The following ARID4B variants were observed in gnomAD, a reference collection of about 807,000 sequenced individuals.
ARID4B encodes the protein AT-rich interactive domain-containing protein 4B.
A neutral mutation model predicts 147.5 loss-of-function variants in ARID4B; 26 were observed. The ratio of observed to expected loss-of-function variants is 0.18; its 90% CI spans 0.13 to 0.24. ARID4B has a LOEUF of 0.24. Ranked by LOEUF, ARID4B falls within the 10% of genes least tolerant of loss-of-function variation. ARID4B has a pLI of 1.00. For missense variants in ARID4B, 1,179 were observed against 1,511.5 expected (o/e 0.78, Z 3.65); for synonymous variants, 512 against 507.9 (o/e 1.01, Z -0.11).
chr1:235,193,199 C>T (rs955148283), intron 19 of ARID4B, among the ~76,000 whole-genome samples: 4 of 152,100 alleles, frequency 2.6e-5, no homozygotes, highest in South Asian at 2.1e-4. Context: ...GAGCTCGAGA[C>T]GAGCCTGGTC....
At chr1:235,261,224 G>A (rs1670274605) in intron 2 of ARID4B, among the ~76,000 whole-genome samples, 1 of 152,090 alleles carries the variant, frequency 6.6e-6, no homozygotes, top group African/African-American at 2.4e-5. Flanking sequence ...AAAGTCTAAG[G>A]TAGTTTAGTG....
At chr1:235,318,742 A>G (rs1674616560) in intron 2 of ARID4B, among the ~76,000 whole-genome samples, 1 of 152,078 alleles carries the variant, frequency 6.6e-6, no homozygotes, top group Non-Finnish European at 1.5e-5. Flanking sequence ...TTTGCTGGGC[A>G]TGGTGGCGCA....
chr1:235,185,756 G>A (rs1391821898), intron 19 of ARID4B, among the ~76,000 whole-genome samples: 2 of 152,138 alleles, frequency 1.3e-5, no homozygotes, highest in Non-Finnish European at 2.9e-5. Flanking sequence ...TCAGAGTTCT[G>A]AATCCTTCCG....
chr1:235,224,765 T>C lies in ARID4B; in HGVS notation c.908A>G (p.Glu303Gly). The C allele has an allele frequency of 6.3e-7, 1 of 1,589,756 alleles. No individual in the cohort carries two copies. Among genetic ancestry groups the C allele is most frequent in the Non-Finnish European group, 8.6e-7 (1 of 1,161,480 alleles). ...DNSSEEEEEIEPFPEERENFL... is the reference protein window; with the variant it reads ...DNSSEEEEEIGPFPEERENFL... ...GTTCTCCCTTTCTTCTGGAAATGGTTCTATTTCTTCCTAATTTTAATCACA... is the reference window on the plus strand; with the variant it reads ...GTTCTCCCTTTCTTCTGGAAATGGTCCTATTTCTTCCTAATTTTAATCACA... Residue 303 changes from glutamate (E) to glycine (G), a missense_variant, in exon 12 of 24, where the codon GAA becomes GGA. Physicochemically the swap from Glu to Gly is moderately conservative, Grantham distance 98. This residue lies in a region of ARID4B where 159 missense variants were observed against 190.5 expected (regional missense o/e 0.83). Coordinates refer to ENST00000264183, the MANE Select transcript of ARID4B (RefSeq NM_016374.6).
rs778899405 is a variant in ARID4B, at chr1:235,229,211, T to C, written c.897+20A>G. On this transcript the variant is annotated intron_variant, in intron 11 of 23. Transcript: ENST00000264183. ...AACTGTTATTTATAATTTTAAAAGG[T>C]ATCAACTGTTTTCACTTACTTCTTC... 3 of 1,605,542 alleles carry C rather than the reference T, an allele frequency of 1.9e-6. No homozygotes were observed. Among genetic ancestry groups the C allele is most frequent in the Non-Finnish European group, 2.5e-6 (3 of 1,177,566 alleles).
At position 235,220,222 on chromosome 1, in the gene ARID4B, T is replaced by C. The variant is rs1667363516; in HGVS notation, c.1407+80A>G. ...AATAATAAAGAATAATATTATACAA[T>C]ATATTGATTTTGGAACTTTATAGAG... On this transcript the variant is annotated intron_variant, in intron 15 of 23. Coordinates refer to ENST00000264183, the MANE Select transcript of ARID4B (RefSeq NM_016374.6). 6.4e-6 allele frequency: 8 copies of C among 1,247,776 alleles called. No homozygotes were observed. In the South Asian group the frequency reaches 1.2e-4, roughly 18 times the overall value. The allele number at this position is 1,247,776 out of a possible 1,614,324, so 77.3% of individuals were successfully genotyped here. A position where few individuals can be genotyped will look rare whatever the true frequency, so the allele number is the denominator to read the frequency against.
At position 235,182,590 on chromosome 1, in the gene ARID4B, T is replaced by C; in HGVS notation, c.2329A>G (p.Lys777Glu). Residue 777 changes from lysine (K) to glutamate (E), a missense_variant, in exon 20 of 24, where the codon AAA becomes GAA. By Grantham distance (56) the Lys-to-Glu change is moderately conservative. Coordinates refer to ENST00000264183, the MANE Select transcript of ARID4B (RefSeq NM_016374.6). ...ADLVISKPVS[K>E]SPERLRKDIE... is the part of the protein sequence containing the mutation. ...TCTTTCCTTAATCTTTCTGGAGATT[T>C]TGACACTGGTTTGGATATTACCAAA... The C allele has an allele frequency of 6.2e-7, 1 of 1,612,938 alleles. No homozygotes were observed. The highest frequency in any genetic ancestry group is 8.5e-7 in the Non-Finnish European group (1 of 1,179,772).
At chr1:235,299,169 T>C (rs1672957010) in intron 2 of ARID4B, among the ~76,000 whole-genome samples, 1 of 152,232 alleles carries the variant, frequency 6.6e-6, no homozygotes, top group Non-Finnish European at 1.5e-5. Flanking sequence ...CAAGTTCATG[T>C]ACATAAGAAG....
rs183507885 is a variant in ARID4B, at chr1:235,181,597, G to A, written c.3322C>T (p.His1108Tyr). 15 of 1,611,670 alleles carry A rather than the reference G, an allele frequency of 9.3e-6. No homozygotes were observed. In the South Asian group the frequency reaches 1.7e-4, roughly 18 times the overall value. The change falls in exon 20 of 24, where the codon CAT becomes TAT. Residue 1108 changes from histidine (H) to tyrosine (Y), a missense_variant. Physicochemically the swap from His to Tyr is moderately conservative, Grantham distance 83 (BLOSUM62 2). Around this residue, in one of 10 missense-constraint regions of ARID4B, gnomAD observed 357 missense variants for 427.3 expected, o/e 0.84. Transcript: ENST00000264183. ...SSSSNQPEPE[H>Y]PEKACTGQKR... Reference sequence around the variant, plus strand: ...TTTTCCTTCTCACCTTTTTCAGGATGTTCTGGTTCTGGCTGATTACTACTG... The same window carrying A: ...TTTTCCTTCTCACCTTTTTCAGGATATTCTGGTTCTGGCTGATTACTACTG...
intron 19 of ARID4B, among the ~76,000 whole-genome samples, chr1:235,187,484 T>C (rs915164908): frequency 6.6e-6 from 1 of 152,226 alleles, no homozygotes; most frequent in African/African-American, 2.4e-5. Context: ...GTAGGATTTA[T>C]TAACTGATAG....
chr1:235,261,502 C>T (rs1008453726), intron 2 of ARID4B, among the ~76,000 whole-genome samples: 3 of 151,990 alleles, frequency 2.0e-5, no homozygotes, highest in Non-Finnish European at 4.4e-5. Context: ...CTAGCCTGGG[C>T]CACAGAGTAA....
intron 2 of ARID4B, among the ~76,000 whole-genome samples, chr1:235,269,998 C>T (rs960112845): frequency 3.3e-5 from 5 of 151,910 alleles, no homozygotes; most frequent in East Asian, 1.9e-4. Flanking sequence ...TAAAACTCAA[C>T]GCCAGCCGGG....
chr1:235,186,510 A>G (rs1664696443), intron 19 of ARID4B, among the ~76,000 whole-genome samples: 1 of 151,400 alleles, frequency 6.6e-6, no homozygotes, highest in African/African-American at 2.4e-5. Context: ...TCCCGGGTTC[A>G]GGCAATTCTC....
In ARID4B at chr1:235,204,298, G is replaced by C. The variant is rs191183837; in HGVS notation, c.1842-8183C>G. ...GATCATGCCACTGCACTCTAGCCTG[G>C]GTGACGGAGCGAAACTCCGCTTCAA... On this transcript the variant is annotated intron_variant, in intron 17 of 23. Coordinates refer to ENST00000264183, the MANE Select transcript of ARID4B (RefSeq NM_016374.6). Among the ~76,000 whole-genome samples, 331 of 152,164 alleles carry C rather than the reference G, an allele frequency of 2.2e-3. 3 individuals carry two copies. Among genetic ancestry groups the C allele is most frequent in the African/African-American group, 7.7e-3 (318 of 41,496 alleles).
chr1:235,289,513 C>T (rs1672189946), intron 2 of ARID4B, among the ~76,000 whole-genome samples: 1 of 151,898 alleles, frequency 6.6e-6, no homozygotes, highest in Admixed American at 6.6e-5. Context: ...TGCTTGAGCC[C>T]AGGAGTTCGA....
At chr1:235,235,202 A>G (rs1428245133) in intron 8 of ARID4B, among the ~76,000 whole-genome samples, 1 of 152,190 alleles carries the variant, frequency 6.6e-6, no homozygotes, top group African/African-American at 2.4e-5. Context: ...TGAAAGAAAA[A>G]CAACAAAAAA....
rs1665301083 is a variant in ARID4B at position 235,193,956 on chromosome 1, A to G, written c.2125+57T>C. The G allele has an allele frequency of 6.6e-6, 9 of 1,355,828 alleles. No homozygotes were observed. The Middle Eastern group carries it at 8.1e-4, about 122-fold the overall frequency. 84.0% of individuals were successfully genotyped at this position (1,355,828 alleles called of 1,614,324 possible). On this transcript the variant is annotated intron_variant, in intron 19 of 23. Coordinates refer to ENST00000264183, the MANE Select transcript of ARID4B (RefSeq NM_016374.6). Reference sequence around the variant, plus strand: ...AATGTCACTGAATTACCTTTATAGAACTTGACTCATAAATTAAAATCAAAT... The same window carrying G: ...AATGTCACTGAATTACCTTTATAGAGCTTGACTCATAAATTAAAATCAAAT...
At chr1:235,178,853 C>CT (rs34779386) in intron 20 of ARID4B, among the ~76,000 whole-genome samples, 70,331 of 151,272 alleles carry the variant, frequency 0.46, 16,631 homozygotes, top group South Asian at 0.6. Context: ...AACTTCCTAG[C>CT]TTTTTTTTAA....
intron 21 of ARID4B, 76 bp downstream of exon 21, chr1:235,177,724 A>C: frequency 1.0e-6 from 1 of 960,506 alleles, no homozygotes; most frequent in Non-Finnish European, 1.6e-6. Flanking sequence ...CCATACCCTG[A>C]ATACCATTTT....
Sources: allele counts gnomAD v4.1 joint callset (sites outside exome capture counted in the v4.1 genomes callset), GRCh38; gene constraint gnomAD v4.1.1; regional missense constraint gnomAD v4.1.1; transcripts MANE v1.5; gene names NCBI Gene and HGNC (gene_info 2026-07-23, HGNC 2026-07-21).